Variants in BEST3 observed in about 807,000 individuals in gnomAD.
BEST3 encodes the protein bestrophin 3, also known as bestrophin-3.
Under a neutral mutation model 47.1 loss-of-function variants are expected in BEST3, and 50 were observed. The observed-to-expected ratio is 1.06, with a 90% CI of 0.85 to 1.34. BEST3 has a LOEUF of 1.34. BEST3 is among the 40% of genes most tolerant of loss of function. The probability of loss-of-function intolerance (pLI) is 0.00; values close to 1 mark genes in which losing one functional copy is unlikely to be tolerated. For synonymous variants in BEST3, 282 were observed against 298.8 expected, an observed-to-expected ratio of 0.94 and a Z score of 0.58; for missense variants, 765 against 817.0, an observed-to-expected ratio of 0.94 and a Z score of 0.78.
intron 7 of BEST3, among the ~76,000 whole-genome samples, chr12:69,675,932 C>G (rs1379557176): frequency 6.6e-6 from 1 of 152,172 alleles, no homozygotes; most frequent in Non-Finnish European, 1.5e-5. Context: ...GAAAATTCTA[C>G]TTTACGAATA....
intron 8 of BEST3, among the ~76,000 whole-genome samples, chr12:69,672,321 T>C (rs1231703933): frequency 6.6e-6 from 1 of 152,234 alleles, no homozygotes; most frequent in Non-Finnish European, 1.5e-5. Flanking sequence ...GAGTCTTGCC[T>C]AAAAGGAAAA....
At chr12:69,689,619 AC>A (rs1161625173) in intron 4 of BEST3, among the ~76,000 whole-genome samples, 1 of 152,150 alleles carries the variant, frequency 6.6e-6, no homozygotes. Flanking sequence ...AGCAACTGGG[AC>A]CTTTTCACTG....
rs982912292 is a variant in BEST3 at position 69,697,531 on chromosome 12, C to T, written c.152+116G>A. On this transcript the variant is annotated intron_variant, in intron 2 of 9. Coordinates refer to ENST00000330891, the MANE Select transcript of BEST3 (RefSeq NM_032735.3). ...GGGAAGAAGACAAATGAGAGGCTCA[C>T]GCAAAAAAGGAGTTCCATAATGCGA... The T allele has an allele frequency of 3.5e-5, 27 of 774,166 alleles. 1 individual carries two copies. The highest frequency in any genetic ancestry group is 9.0e-5 in the Admixed American group (3 of 33,292). 48.0% of individuals were successfully genotyped at this position (774,166 alleles called of 1,614,324 possible).
rs139758554 is a variant in BEST3, at chr12:69,688,082, T to C, written c.481+5592A>G. On this transcript the variant is annotated intron_variant, in intron 4 of 9. Coordinates refer to ENST00000330891, the MANE Select transcript of BEST3 (RefSeq NM_032735.3). ...AATTTCCTATTACATATCATTGTGCTTCTGGTAAGTAATTTTGAAGATAAC... is the reference window on the plus strand; with the variant it reads ...AATTTCCTATTACATATCATTGTGCCTCTGGTAAGTAATTTTGAAGATAAC... Among the ~76,000 whole-genome samples, 724 of 152,346 alleles carry C rather than the reference T, an allele frequency of 4.8e-3. 6 individuals are homozygous for C. The highest frequency in any genetic ancestry group is 0.016 in the African/African-American group (658 of 41,576).
downstream of BEST3, among the ~76,000 whole-genome samples, chr12:69,651,795 AAAAAG>A (rs1248434109): frequency 1.2e-3 from 165 of 136,640 alleles, 3 homozygotes; most frequent in African/African-American, 2.8e-3. Context: ...AGAAAAAAAA[AAAAAG>A]AAAGAAAAAA....
At chr12:69,661,915 T>G (rs1883898292) in intron 9 of BEST3, among the ~76,000 whole-genome samples, 1 of 152,186 alleles carries the variant, frequency 6.6e-6, no homozygotes, top group Admixed American at 6.5e-5. Context: ...CTTATCTAGC[T>G]ACATCCTACC....
intron 4 of BEST3, among the ~76,000 whole-genome samples, chr12:69,680,326 T>TTTTTTTTTTTTTTTTTTTTTTTGG: frequency 6.9e-6 from 1 of 145,014 alleles, no homozygotes; most frequent in South Asian, 2.3e-4. Context: ...TTTTTTTTTT[T>TTTTTTTTTTTTTTTTTTTTTTTGG]TAGATGGAGT....
At chr12:69,663,721 T>C (rs543830507) in intron 9 of BEST3, among the ~76,000 whole-genome samples, 1 of 152,240 alleles carries the variant, frequency 6.6e-6, no homozygotes, top group South Asian at 2.1e-4. Context: ...CTCAGGAGGC[T>C]GAGGCAGGAA....
At chr12:69,652,403 G>A (rs908920411), downstream of BEST3, among the ~76,000 whole-genome samples, 4 of 152,088 alleles carry the variant, frequency 2.6e-5, no homozygotes, top group South Asian at 2.1e-4. Context: ...TTTTTCAACC[G>A]TGGTCTGTGT....
At position 69,655,499 on chromosome 12, in the gene BEST3, A is replaced by G; in HGVS notation, c.1415T>C (p.Ile472Thr). Residue 472 changes from isoleucine (I) to threonine (T), a missense_variant, in exon 10 of 10, where the codon ATC becomes ACC. By Grantham distance (89) the Ile-to-Thr change is moderately conservative. Transcript: ENST00000330891. The part of the protein sequence containing the change: ...LHFSMGELST[I>T]RETSQTSTLQ... ...AGTGCTTGTCTGGCTGGTCTCCCTG[A>G]TGGTGGACAGCTCTCCCATGCTGAA... 3 of 1,614,052 alleles carry G rather than the reference A, an allele frequency of 1.9e-6. No individual in the cohort carries two copies. The highest frequency in any genetic ancestry group is 2.5e-6 in the Non-Finnish European group (3 of 1,179,992).
At chr12:69,690,247 T>C (rs1358015313) in intron 4 of BEST3, among the ~76,000 whole-genome samples, 1 of 152,216 alleles carries the variant, frequency 6.6e-6, no homozygotes, top group East Asian at 1.9e-4. Flanking sequence ...TGAGATTCCC[T>C]TGGAATGGCA....
At chr12:69,648,022 T>A (rs963214648) in intron 9 of BEST3, among the ~76,000 whole-genome samples, 2 of 152,188 alleles carry the variant, frequency 1.3e-5, no homozygotes, top group Non-Finnish European at 2.9e-5. Flanking sequence ...GCATTAGTAA[T>A]GAGACTAATG....
At chr12:69,670,294 GT>G (rs1009002351) in intron 9 of BEST3, 1 of 605,786 alleles carries the variant, frequency 1.7e-6, no homozygotes, top group Non-Finnish European at 3.0e-6. Flanking sequence ...CCCTGGGTGG[GT>G]GGGTCTGGTC....
intron 4 of BEST3, among the ~76,000 whole-genome samples, chr12:69,693,097 G>A (rs1179219862): frequency 6.6e-6 from 1 of 152,114 alleles, no homozygotes; most frequent in Non-Finnish European, 1.5e-5. Context: ...GTTACTATCT[G>A]CCACTTTCTC....
intron 2 of BEST3, 111 bp from the exon 3 acceptor site, chr12:69,694,575 G>T: frequency 2.0e-6 from 1 of 496,086 alleles, no homozygotes; most frequent in South Asian, 5.1e-5. Context: ...TATTTTTGAA[G>T]GATCAATAAT....
At chr12:69,669,422 G>A (rs1424068644) in intron 9 of BEST3, among the ~76,000 whole-genome samples, 1 of 152,162 alleles carries the variant, frequency 6.6e-6, no homozygotes, top group Non-Finnish European at 1.5e-5. Context: ...TCTCCATCCT[G>A]CTGGTAAATA....
chr12:69,699,299 G>A lies in BEST3; in HGVS notation c.-110C>T, dbSNP rs117954195. The stretch of plus-strand genomic sequence containing the variant: ...CCTTCAGGTCGGTGCTGCACGCCCG[G>A]TGTCACCCTTCGCTCGTGCACAGTC... On this transcript the variant is annotated 5_prime_UTR_variant, in exon 1 of 10. Transcript: ENST00000330891. 2 of 985,362 alleles carry A rather than the reference G, an allele frequency of 2.0e-6. No homozygotes were observed. Among genetic ancestry groups the A allele is most frequent in the East Asian group, 1.1e-4 (1 of 8,804 alleles). 61.0% of individuals were successfully genotyped at this position (985,362 alleles called of 1,614,324 possible).
exon 10 of BEST3, chr12:69,643,635 A>G: frequency 1.6e-6 from 1 of 608,828 alleles, no homozygotes; most frequent in Non-Finnish European, 3.1e-6. Context: ...AGCAGATGAG[A>G]TTGTTGGCTT....
At chr12:69,694,073 G>A in intron 3 of BEST3, 166 bp from the exon 4 acceptor site, 1 of 618,472 alleles carries the variant, frequency 1.6e-6, no homozygotes, top group South Asian at 2.1e-5. Context: ...ATTTGTGCCT[G>A]GCAATGCCTA....
Sources: allele counts gnomAD v4.1 joint callset (sites outside exome capture counted in the v4.1 genomes callset), GRCh38; gene constraint gnomAD v4.1.1; transcripts MANE v1.5; gene names NCBI Gene and HGNC (gene_info 2026-07-23, HGNC 2026-07-21).